Variants in FAM53B observed in about 807,000 individuals in gnomAD.
FAM53B encodes the protein family with sequence similarity 53 member B, also known as protein FAM53B.
FAM53B carries 12 observed loss-of-function variants against 32.7 expected under a neutral mutation model. The observed-to-expected ratio is 0.37, with a 90% CI of 0.24 to 0.59. The LOEUF is 0.59. FAM53B is among the 20% of genes least tolerant of loss of function. The pLI, the probability that FAM53B is intolerant of heterozygous loss-of-function variation, is 0.72. For missense variants in FAM53B, 477 were observed against 577.7 expected, an observed-to-expected ratio of 0.83 and a Z score of 1.79; for synonymous variants, 234 against 228.7, an observed-to-expected ratio of 1.02 and a Z score of -0.21.
chr10:124,662,350 A>G (rs748500451), intron 4 of FAM53B, among the ~76,000 whole-genome samples: 10 of 152,194 alleles, frequency 6.6e-5, no homozygotes, highest in Non-Finnish European at 1.2e-4. Context: ...AGTATCATCA[A>G]TGGAGGAGCT....
intron 2 of FAM53B, 49 bp from the exon 3 acceptor site, chr10:124,696,261 G>C (rs1457014885): frequency 6.7e-7 from 1 of 1,487,250 alleles, no homozygotes; most frequent in Admixed American, 1.7e-5. Flanking sequence ...TAGGAAGCAT[G>C]TTTGCACTGA....
At chr10:124,653,123 C>A (rs959814294) in intron 4 of FAM53B, among the ~76,000 whole-genome samples, 4 of 152,214 alleles carry the variant, frequency 2.6e-5, no homozygotes, top group Non-Finnish European at 5.9e-5. Context: ...GGGCTGCCTG[C>A]CTCACCTCAT....
At chr10:124,728,530 C>A (rs1477190527) in intron 1 of FAM53B, among the ~76,000 whole-genome samples, 1 of 152,176 alleles carries the variant, frequency 6.6e-6, no homozygotes, top group African/African-American at 2.4e-5. Flanking sequence ...ATTCTGGATC[C>A]CTGACGCCTC....
At chr10:124,691,047 G>A (rs528529214) in intron 3 of FAM53B, among the ~76,000 whole-genome samples, 1 of 152,302 alleles carries the variant, frequency 6.6e-6, no homozygotes, top group South Asian at 2.1e-4. Context: ...AAGCACTCAA[G>A]CTCTGAGGGC....
rs531722269 is a variant in FAM53B at position 124,638,084 on chromosome 10, A to C, written c.907-14480T>G. Among the ~76,000 whole-genome samples the C allele has an allele frequency of 6.3e-4, 96 of 152,240 alleles. 1 individual carries two copies. The highest frequency in any genetic ancestry group is 2.2e-3 in the African/African-American group (91 of 41,548). On this transcript the variant is annotated intron_variant, in intron 4 of 4. Coordinates refer to ENST00000337318, the MANE Select transcript of FAM53B (RefSeq NM_014661.4). ...TGGGATCCTGCCTGTCAACACTAGG[A>C]CCGGGCCTGGCGCCATGGCTCACAC... is the stretch of plus-strand genomic sequence containing the variant.
chr10:124,717,650 C>T (rs1307758917), intron 1 of FAM53B, among the ~76,000 whole-genome samples: 2 of 152,144 alleles, frequency 1.3e-5, no homozygotes, highest in Non-Finnish European at 1.5e-5. Flanking sequence ...CAGAACCTGC[C>T]CCTCTCTTAC....
chr10:124,620,732 A>G lies in FAM53B; in HGVS notation c.*2510T>C, dbSNP rs534162935. ...GGGTGGCACCTTATAGATAGGGTCT[A>G]CTCCCTCCAGTCAAAACACAAACAT... On this transcript the variant is annotated 3_prime_UTR_variant, in exon 5 of 5. Coordinates refer to ENST00000337318, the MANE Select transcript of FAM53B (RefSeq NM_014661.4). 1 of 152,162 alleles carries G rather than the reference A, an allele frequency of 6.6e-6. No individual in the cohort carries two copies. Among genetic ancestry groups the G allele is most frequent in the East Asian group, 1.9e-4 (1 of 5,152 alleles). 9.4% of individuals were successfully genotyped at this position (152,162 alleles called of 1,614,324 possible).
Position 124,630,675 on chromosome 10 carries a change from C to G in FAM53B, c.907-7071G>C, listed in dbSNP as rs114586687. Among the ~76,000 whole-genome samples the G allele has an allele frequency of 5.7e-3, 873 of 152,350 alleles. 14 individuals carry two copies. The highest frequency in any genetic ancestry group is 0.02 in the African/African-American group (820 of 41,584). The stretch of plus-strand genomic sequence containing the variant: ...GATTTGGCAATGGATACTCAAGACT[C>G]TTCCCAGACCACAGGTTCTAGAAGC... On this transcript the variant is annotated intron_variant, in intron 4 of 4. Transcript: ENST00000337318.
intron 1 of FAM53B, among the ~76,000 whole-genome samples, chr10:124,723,165 C>T (rs1950080020): frequency 6.6e-6 from 1 of 152,218 alleles, no homozygotes; most frequent in Non-Finnish European, 1.5e-5. Context: ...AGCTGCCACC[C>T]CTACAGACTG....
chr10:124,691,009 T>C (rs1216400466), intron 3 of FAM53B, among the ~76,000 whole-genome samples: 1 of 152,242 alleles, frequency 6.6e-6, no homozygotes, highest in Non-Finnish European at 1.5e-5. Flanking sequence ...CTCATTTTGA[T>C]TCTTCGTTTA....
chr10:124,720,008 C>G (rs940873472), intron 1 of FAM53B, among the ~76,000 whole-genome samples: 1 of 151,866 alleles, frequency 6.6e-6, no homozygotes, highest in Admixed American at 6.6e-5. Context: ...ACTAAAAATA[C>G]AAAAATTAGC....
At chr10:124,675,548 C>T (rs1949731721) in intron 4 of FAM53B, among the ~76,000 whole-genome samples, 1 of 152,248 alleles carries the variant, frequency 6.6e-6, no homozygotes, top group South Asian at 2.1e-4. Flanking sequence ...TGATTCCTCC[C>T]ACACTCATGA....
chr10:124,667,250 C>A, intron 4 of FAM53B: 2 of 567,032 alleles, frequency 3.5e-6, no homozygotes, highest in South Asian at 2.3e-5. Flanking sequence ...TTTGGAAATA[C>A]TGGGTTAAAT....
At chr10:124,661,056 TAA>T (rs57830542) in intron 4 of FAM53B, among the ~76,000 whole-genome samples, 2,170 of 130,458 alleles carry the variant, frequency 0.017, 25 homozygotes, top group African/African-American at 0.032. Flanking sequence ...CTACTGAAAT[TAA>T]AAAAAAAAAA....
intron 2 of FAM53B, among the ~76,000 whole-genome samples, chr10:124,705,359 T>A (rs367672145): frequency 1.8e-4 from 27 of 152,356 alleles, no homozygotes; most frequent in African/African-American, 6.3e-4. Context: ...AGGTTGCAGC[T>A]GCCTCATTTG....
chr10:124,689,077 C>T (rs1949818199), intron 3 of FAM53B, among the ~76,000 whole-genome samples: 1 of 152,214 alleles, frequency 6.6e-6, no homozygotes, highest in South Asian at 2.1e-4. Context: ...TCACACCTAT[C>T]TACTTGTGCT....
intron 3 of FAM53B, among the ~76,000 whole-genome samples, chr10:124,687,054 G>A (rs1202622103): frequency 2.0e-5 from 3 of 152,172 alleles, no homozygotes; most frequent in Non-Finnish European, 2.9e-5. Flanking sequence ...TATCTTTATC[G>A]CTTTGAGAAG....
rs540489566 is a variant in FAM53B, at chr10:124,737,351, C to T, written c.-175+6662G>A. Among the ~76,000 whole-genome samples the T allele has an allele frequency of 4.6e-5, 7 of 152,300 alleles. 1 individual carries two copies. The South Asian group carries it at 1.2e-3, about 27-fold the overall frequency. On this transcript the variant is annotated intron_variant, in intron 1 of 4. Transcript: ENST00000337318. Reference sequence around the variant, plus strand: ...GCCAAAACCTTTTTCAGCAAGCTCACCTTTACAAGGTTTCAGCACCTTCCA... The same window carrying T: ...GCCAAAACCTTTTTCAGCAAGCTCATCTTTACAAGGTTTCAGCACCTTCCA...
intron 4 of FAM53B, among the ~76,000 whole-genome samples, chr10:124,635,845 T>C (rs1410896212): frequency 6.6e-6 from 1 of 152,148 alleles, no homozygotes; most frequent in African/African-American, 2.4e-5. Flanking sequence ...AAAAAGGGCA[T>C]GAGAACACCT....
Sources: allele counts gnomAD v4.1 joint callset (sites outside exome capture counted in the v4.1 genomes callset), GRCh38; gene constraint gnomAD v4.1.1; transcripts MANE v1.5; gene names NCBI Gene and HGNC (gene_info 2026-07-23, HGNC 2026-07-21).